Variants in STIMATE observed in about 807,000 individuals in gnomAD.
STIMATE encodes store-operated calcium entry regulator STIMATE.
A neutral mutation model predicts 36.7 loss-of-function variants in STIMATE; 15 were observed. The observed-to-expected ratio is 0.41, with a 90% CI of 0.27 to 0.63. The LOEUF is 0.63. STIMATE is among the 20% of genes least tolerant of loss of function. The pLI is 0.32. For synonymous variants in STIMATE, 163 were observed against 162.3 expected (o/e 1.00, Z -0.03); for missense variants, 305 against 397.3 (o/e 0.77, Z 1.98).
intron 1 of STIMATE, among the ~76,000 whole-genome samples, chr3:52,863,833 G>A (rs1291703439): frequency 6.6e-6 from 1 of 152,214 alleles, no homozygotes; most frequent in Non-Finnish European, 1.5e-5. Context: ...ATCCAGCTGG[G>A]CAGTCAAATT....
At chr3:52,887,521 C>T (rs984634859) in intron 1 of STIMATE, among the ~76,000 whole-genome samples, 8 of 151,570 alleles carry the variant, frequency 5.3e-5, no homozygotes, top group African/African-American at 1.9e-4. Flanking sequence ...CTGCCTTAGA[C>T]CTACACTAAG....
intron 4 of STIMATE, among the ~76,000 whole-genome samples, chr3:52,846,141 A>G (rs768289082): frequency 6.6e-5 from 10 of 152,220 alleles, no homozygotes; most frequent in Non-Finnish European, 1.5e-4. Context: ...GCAATGGACA[A>G]AACACCAGGC....
rs1700740592 is a variant in STIMATE, at chr3:52,838,395, AG to A, written c.*2098del. The A allele has an allele frequency of 6.6e-6, 1 of 152,272 alleles. No individual in the cohort carries two copies. The highest frequency in any genetic ancestry group is 2.4e-5 in the African/African-American group (1 of 41,460). 9.4% of individuals were successfully genotyped at this position (152,272 alleles called of 1,614,324 possible). On this transcript the variant is annotated 3_prime_UTR_variant, in exon 8 of 8. Transcript: ENST00000355083. Reference sequence around the variant, plus strand: ...AGGTGGAAGAAACAGCTGCAGGCACAGGTTGTTCAAACCAAAATGAAACAGG... The same window carrying A: ...AGGTGGAAGAAACAGCTGCAGGCACAGTTGTTCAAACCAAAATGAAACAGG...
intron 1 of STIMATE, among the ~76,000 whole-genome samples, chr3:52,893,629 T>C (rs1305789587): frequency 6.6e-6 from 1 of 152,160 alleles, no homozygotes; most frequent in Non-Finnish European, 1.5e-5. Context: ...ATTTAAGATA[T>C]CAAAGCTGAG....
chr3:52,842,809 A>G lies in STIMATE; in HGVS notation c.768+2T>C, dbSNP rs1159938147. 6.2e-7 allele frequency: 1 copy of G among 1,614,118 alleles called. No homozygotes were observed. The highest frequency in any genetic ancestry group is 2.2e-5 in the East Asian group (1 of 44,882). The stretch of plus-strand genomic sequence containing the variant: ...GCCCTTGGAGAGTCAGGGAGGCCCT[A>G]CCTCAGACTCAGACTCCTCGTGGGA... On this transcript the variant is annotated splice_donor_variant, in intron 7 of 7. Coordinates refer to ENST00000355083, the MANE Select transcript of STIMATE (RefSeq NM_198563.5). LOFTEE classifies it high-confidence loss of function.
At chr3:52,854,224 C>T (rs1701054557) in intron 2 of STIMATE, among the ~76,000 whole-genome samples, 1 of 152,124 alleles carries the variant, frequency 6.6e-6, no homozygotes, top group Admixed American at 6.5e-5. Context: ...GCACCTAAAC[C>T]TCATGGAATT....
At chr3:52,862,874 T>C (rs1365367674) in intron 1 of STIMATE, among the ~76,000 whole-genome samples, 2 of 151,728 alleles carry the variant, frequency 1.3e-5, no homozygotes, top group African/African-American at 2.4e-5. Flanking sequence ...GGAGGAGAGA[T>C]GGAGGAATAG....
chr3:52,857,028 G>A (rs1241269298), intron 1 of STIMATE, among the ~76,000 whole-genome samples: 1 of 152,178 alleles, frequency 6.6e-6, no homozygotes, highest in African/African-American at 2.4e-5. Flanking sequence ...TACTCCTGGT[G>A]GTGGGCAAGA....
chr3:52,852,691 C>A lies in STIMATE; in HGVS notation c.217G>T (p.Asp73Tyr). ...ATTCCTATGGCTTGTTTGGAAGTGT[C>A]TAAAAACCTGTACAAAATAAACCAG... ...ERRPWRIWFLDTSKQAIGMLF... is the reference protein window; with the variant it reads ...ERRPWRIWFLYTSKQAIGMLF... Residue 73 changes from aspartate to tyrosine, a missense_variant, in exon 3 of 8, where the codon GAC (aspartate) becomes TAC (tyrosine). This residue lies in a region of STIMATE where 164 missense variants were observed against 257.9 expected (regional missense o/e 0.64). Coordinates refer to ENST00000355083, the MANE Select transcript of STIMATE (RefSeq NM_198563.5). The A allele has an allele frequency of 6.2e-7, 1 of 1,613,942 alleles. No individual in the cohort carries two copies. Among genetic ancestry groups the A allele is most frequent in the South Asian group, 1.1e-5 (1 of 91,064 alleles).
Position 52,843,727 on chromosome 3 carries a change from AAAG to A in STIMATE, c.609_611del (p.Phe204del). 1.2e-6 allele frequency: 2 copies of A among 1,614,068 alleles called. No homozygotes were observed. The highest frequency in any genetic ancestry group is 1.7e-6 in the Non-Finnish European group (2 of 1,179,982). On this transcript the variant is annotated inframe_deletion, in exon 6 of 8. Transcript: ENST00000355083. ...AATGCAACATGGCACTGACGTTGACAAAGAAGGGGACGATCAGCATGACGATGG... is the reference window on the plus strand; with the variant it reads ...AATGCAACATGGCACTGACGTTGACAAAGGGGACGATCAGCATGACGATGG...
chr3:52,843,721 G>A lies in STIMATE; in HGVS notation c.618C>T (p.Asn206=), dbSNP rs887132671. ...IVMLIVPFFV[N]ALMFWVVDNF... ...GATAAAAATGCAACATGGCACTGACGTTGACAAAGAAGGGGACGATCAGCA... is the reference window on the plus strand; with the variant it reads ...GATAAAAATGCAACATGGCACTGACATTGACAAAGAAGGGGACGATCAGCA... Residue 206 remains asparagine, a splice_region_variant and synonymous_variant, in exon 6 of 8, where the codon AAC becomes AAT. Coordinates refer to ENST00000355083, the MANE Select transcript of STIMATE (RefSeq NM_198563.5). The A allele has an allele frequency of 4.3e-6, 7 of 1,613,978 alleles. No homozygotes were observed. The highest frequency in any genetic ancestry group is 4.2e-6 in the Non-Finnish European group (5 of 1,180,036).
At chr3:52,856,040 ACTGATG>A (rs1701087218) in intron 1 of STIMATE, among the ~76,000 whole-genome samples, 1 of 152,210 alleles carries the variant, frequency 6.6e-6, no homozygotes, top group African/African-American at 2.4e-5. Context: ...AAGAGACTTT[ACTGATG>A]GGGGACGGTC....
rs545185817 is a variant in STIMATE, at chr3:52,842,343, G to A, written c.768+468C>T. Among the ~76,000 whole-genome samples, 4 of 152,322 alleles carry A rather than the reference G, an allele frequency of 2.6e-5. 1 individual carries two copies. Among genetic ancestry groups the A allele is most frequent in the Middle Eastern group, 6.8e-3 (2 of 294 alleles). Reference sequence around the variant, plus strand: ...TGAACTCAGAAGACCAGAAAATAAGGGGGGGATGAGTTTCCTCCTGCAAGG... The same window carrying A: ...TGAACTCAGAAGACCAGAAAATAAGAGGGGGATGAGTTTCCTCCTGCAAGG... On this transcript the variant is annotated intron_variant, in intron 7 of 7. Transcript: ENST00000355083.
At chr3:52,859,531 A>AAAAAAAAAAATTT (rs748928249) in intron 1 of STIMATE, among the ~76,000 whole-genome samples, 1 of 18,810 alleles carries the variant, frequency 5.3e-5, no homozygotes, top group Non-Finnish European at 1.2e-4. Context: ...AAAAAAAAAA[A>AAAAAAAAAAATTT]TTTTTTTTTT....
At position 52,876,627 on chromosome 3, in the gene STIMATE, A is replaced by G. The variant is rs181015504; in HGVS notation, c.160+20664T>C. ...AAAACCATTACGAACACAAGTTTTC[A>G]TGATAATCCACTTCCATTTAATGAA... On this transcript the variant is annotated intron_variant, in intron 1 of 7. Coordinates refer to ENST00000355083, the MANE Select transcript of STIMATE (RefSeq NM_198563.5). Among the ~76,000 whole-genome samples the G allele has an allele frequency of 7.4e-3, 1,128 of 152,356 alleles. 6 individuals carry two copies. Among genetic ancestry groups the G allele is most frequent in the Admixed American group, 0.016 (238 of 15,306 alleles).
intron 1 of STIMATE, among the ~76,000 whole-genome samples, chr3:52,866,167 G>A (rs1247765852): frequency 2.6e-5 from 4 of 152,216 alleles, no homozygotes; most frequent in South Asian, 2.1e-4. Flanking sequence ...ATTCTGTGGC[G>A]CCGCTCTCCA....
At chr3:52,845,984 A>G (rs1700892465) in intron 4 of STIMATE, among the ~76,000 whole-genome samples, 2 of 152,282 alleles carry the variant, frequency 1.3e-5, no homozygotes, top group Admixed American at 1.3e-4. Flanking sequence ...CCAGGCTATG[A>G]GAAGATAATT....
chr3:52,863,570 A>C (rs1431255015), intron 1 of STIMATE, among the ~76,000 whole-genome samples: 1 of 148,934 alleles, frequency 6.7e-6, no homozygotes, highest in Admixed American at 6.8e-5. Flanking sequence ...ATGTCCTCAC[A>C]TTTCAAAATC....
intron 6 of STIMATE, 150 bp from the exon 7 acceptor site, chr3:52,843,110 A>G (rs1199573156): frequency 7.3e-7 from 1 of 1,364,024 alleles, no homozygotes. Flanking sequence ...TCTCTCCCAA[A>G]GCTTAGAAAG....
Sources: allele counts gnomAD v4.1 joint callset (sites outside exome capture counted in the v4.1 genomes callset), GRCh38; gene constraint gnomAD v4.1.1; regional missense constraint gnomAD v4.1.1; transcripts MANE v1.5; gene names NCBI Gene and HGNC (gene_info 2026-07-23, HGNC 2026-07-21).